AKR1C2: variants seen among roughly 807,000 people sequenced by gnomAD.
The protein encoded by AKR1C2 is 3-alpha-HSD3.
AKR1C2 carries 27 observed loss-of-function variants against 39.8 expected under a neutral mutation model. The observed-to-expected ratio is 0.68, with a 90% CI of 0.50 to 0.93. AKR1C2 has a LOEUF of 0.93. Ranked by LOEUF, AKR1C2 falls within the 40% of genes least tolerant of loss-of-function variation. The pLI is 0.00. For missense variants in AKR1C2, 263 were observed against 365.1 expected, an observed-to-expected ratio of 0.72 and a Z score of 2.28; for synonymous variants, 114 against 137.9, an observed-to-expected ratio of 0.83 and a Z score of 1.22.
chr10:4,992,698 C>T (rs1836881718), intron 7 of AKR1C2, among the ~76,000 whole-genome samples: 1 of 147,496 alleles, frequency 6.8e-6, no homozygotes, highest in Non-Finnish European at 1.5e-5. Flanking sequence ...CGCCTATAAT[C>T]CTAGCACTTT....
intron 7 of AKR1C2, among the ~76,000 whole-genome samples, chr10:4,992,822 C>T (rs1313385215): frequency 5.9e-5 from 9 of 152,168 alleles, no homozygotes; most frequent in African/African-American, 1.4e-4. Context: ...TGGCAGCATG[C>T]GCCAGCAGTC....
At chr10:5,014,163 T>C (rs1837582498) in intron 1 of AKR1C2, among the ~76,000 whole-genome samples, 1 of 144,606 alleles carries the variant, frequency 6.9e-6, no homozygotes, top group Admixed American at 7.1e-5. Flanking sequence ...ATGAATAAGG[T>C]TATCATGAAT....
At chr10:5,010,293 C>T (rs1837491620) in intron 1 of AKR1C2, 1 of 152,228 alleles carries the variant, frequency 6.6e-6, no homozygotes, top group Non-Finnish European at 1.5e-5. Context: ...GAGCCACACC[C>T]CTGTCGCAAG....
chr10:4,993,359 T>A (rs1490381900), intron 7 of AKR1C2, among the ~76,000 whole-genome samples: 5 of 152,248 alleles, frequency 3.3e-5, no homozygotes, highest in African/African-American at 1.2e-4. Flanking sequence ...CATATATGTG[T>A]CAGGTAAAAA....
rs1431920297 is a variant in AKR1C2 at position 4,988,346 on chromosome 10, A to G, written c.*1650T>C. On this transcript the variant is annotated 3_prime_UTR_variant, in exon 9 of 9. Coordinates refer to ENST00000380753, the MANE Select transcript of AKR1C2 (RefSeq NM_001393392.1). ...TGAGACATGCTAAGTGTGAATGTCC[A>G]TTAAACTTTAACATGGAGATGCAGA... 6.6e-6 allele frequency: 1 copy of G among 152,236 alleles called. No individual in the cohort carries two copies. The highest frequency in any genetic ancestry group is 1.5e-5 in the Non-Finnish European group (1 of 68,050). The allele number at this position is 152,236 out of a possible 1,614,324, so 9.4% of individuals were successfully genotyped here. A position where few individuals can be genotyped will look rare whatever the true frequency, so the allele number is the denominator to read the frequency against.
At chr10:5,010,162 C>T (rs1837488059) in intron 1 of AKR1C2, among the ~76,000 whole-genome samples, 1 of 147,610 alleles carries the variant, frequency 6.8e-6, no homozygotes, top group Non-Finnish European at 1.5e-5. Context: ...AGCTTTACAA[C>T]ACTGTGGTTG....
intron 2 of AKR1C2, among the ~76,000 whole-genome samples, chr10:5,001,121 T>TG (rs1288173305): frequency 6.6e-6 from 1 of 152,206 alleles, no homozygotes; most frequent in Non-Finnish European, 1.5e-5. Flanking sequence ...TTATACTCAC[T>TG]GAGCTCTCTT....
At position 4,995,913 on chromosome 10, in the gene AKR1C2, T is replaced by C. The variant is rs111999542; in HGVS notation, c.571-48A>G. ...AGCATCAGATAATCCAAAAGTTACATTAATATTAAAATCACCAAAGTAAAA... is the reference window on the plus strand; with the variant it reads ...AGCATCAGATAATCCAAAAGTTACACTAATATTAAAATCACCAAAGTAAAA... On this transcript the variant is annotated intron_variant, in intron 5 of 8. Transcript: ENST00000380753. 0.073 allele frequency: 101,171 copies of C among 1,382,020 alleles called. 10,788 individuals carry two copies. Among genetic ancestry groups the C allele is most frequent in the East Asian group, 0.28 (11,372 of 39,950 alleles). The allele number at this position is 1,382,020 out of a possible 1,614,324, so 85.6% of individuals were successfully genotyped here.
At chr10:4,996,629 G>C (rs1837058560) in intron 5 of AKR1C2, among the ~76,000 whole-genome samples, 2 of 150,386 alleles carry the variant, frequency 1.3e-5, no homozygotes, top group African/African-American at 2.4e-5. Context: ...GAATCCGTGA[G>C]TCTGTAGCAA....
At chr10:4,991,258 T>A (rs776814625) in intron 8 of AKR1C2, among the ~76,000 whole-genome samples, 9 of 151,566 alleles carry the variant, frequency 5.9e-5, no homozygotes, top group Non-Finnish European at 8.8e-5. Flanking sequence ...TAAGACAGAC[T>A]TTCTGGAGGC....
intron 1 of AKR1C2, among the ~76,000 whole-genome samples, chr10:5,016,075 C>T (rs1375944983): frequency 6.6e-6 from 1 of 152,176 alleles, no homozygotes; most frequent in African/African-American, 2.4e-5. Flanking sequence ...CAGGCCCCTT[C>T]CCCAACAGTG....
At chr10:5,000,728 T>C in intron 2 of AKR1C2, 62 bp from the exon 3 acceptor site, 1 of 1,480,522 alleles carries the variant, frequency 6.8e-7, no homozygotes, top group Non-Finnish European at 9.3e-7. Flanking sequence ...ACTAGTTTGC[T>C]CCACCTAATA....
intron 1 of AKR1C2, among the ~76,000 whole-genome samples, chr10:5,009,655 A>G (rs1441305284): frequency 6.6e-6 from 1 of 152,020 alleles, no homozygotes; most frequent in Non-Finnish European, 1.5e-5. Flanking sequence ...CCCCTAAATG[A>G]GAACAGGCAT....
intron 1 of AKR1C2, among the ~76,000 whole-genome samples, chr10:5,009,239 G>T (rs1324805200): frequency 1.3e-5 from 2 of 152,048 alleles, no homozygotes; most frequent in African/African-American, 4.8e-5. Context: ...AGTTTTTTCA[G>T]AGTGAACTCT....
In AKR1C2 at chr10:4,989,987, C is replaced by A; in HGVS notation, c.*9G>T. On this transcript the variant is annotated 3_prime_UTR_variant, in exon 9 of 9. Coordinates refer to ENST00000380753, the MANE Select transcript of AKR1C2 (RefSeq NM_001393392.1). ...GCCTTCTGGCAGACCTCATGCAATG[C>A]CCTCCATGTTAATATTCATCAGAAA... is the stretch of plus-strand genomic sequence containing the variant. 1.2e-6 allele frequency: 2 copies of A among 1,609,736 alleles called. No individual in the cohort carries two copies. The highest frequency in any genetic ancestry group is 3.4e-5 in the Admixed American group (2 of 59,338).
At chr10:5,012,037 A>T (rs1554774967) in intron 1 of AKR1C2, among the ~76,000 whole-genome samples, 1 of 152,162 alleles carries the variant, frequency 6.6e-6, no homozygotes, top group Non-Finnish European at 1.5e-5. Context: ...GAAAAAAGAT[A>T]TTCACAAATC....
At chr10:5,000,488 A>G in intron 3 of AKR1C2, 62 bp downstream of exon 3, 1 of 1,613,556 alleles carries the variant, frequency 6.2e-7, no homozygotes, top group Non-Finnish European at 8.5e-7. Context: ...TCAAATCTCC[A>G]TGAAAACAAT....
Position 4,987,920 on chromosome 10 carries a change from A to G in AKR1C2, c.*2076T>C, listed in dbSNP as rs2131661882. The G allele has an allele frequency of 6.7e-6, 1 of 149,006 alleles. No homozygotes were observed. Among genetic ancestry groups the G allele is most frequent in the Non-Finnish European group, 1.5e-5 (1 of 67,318 alleles). 9.2% of individuals were successfully genotyped at this position (149,006 alleles called of 1,614,324 possible). A position where few individuals can be genotyped will look rare whatever the true frequency, so the allele number is the denominator to read the frequency against. ...TTTCTTTGAGAGAAAAAATAGGAAAATTAGTGATTGGAGGTCCCTATAAAA... is the reference window on the plus strand; with the variant it reads ...TTTCTTTGAGAGAAAAAATAGGAAAGTTAGTGATTGGAGGTCCCTATAAAA... On this transcript the variant is annotated 3_prime_UTR_variant, in exon 9 of 9. Transcript: ENST00000380753.
Position 4,998,834 on chromosome 10 carries a change from G to A in AKR1C2, c.448-87C>T, listed in dbSNP as rs540898056. The A allele has an allele frequency of 1.2e-4, 193 of 1,563,350 alleles. 1 individual carries two copies. The South Asian group carries it at 2.2e-3, about 18-fold the overall frequency. ...ACATAGAACTGTGAAAGCAACAACT[G>A]TCTAGACGTGACAATCAAACTAGCT... On this transcript the variant is annotated intron_variant, in intron 4 of 8. Transcript: ENST00000380753.
Sources: allele counts gnomAD v4.1 joint callset (sites outside exome capture counted in the v4.1 genomes callset), GRCh38; gene constraint gnomAD v4.1.1; transcripts MANE v1.5; gene names NCBI Gene and HGNC (gene_info 2026-07-23, HGNC 2026-07-21).